The following SLC20A2 variants were observed in gnomAD, a reference collection of about 807,000 sequenced individuals.
SLC20A2 encodes sodium-dependent phosphate transporter 2.
In SLC20A2, 30 loss-of-function variants were observed where a neutral mutation model predicts 61.0. That is an observed-to-expected ratio of 0.49 (90% CI 0.37 to 0.67). The LOEUF (loss-of-function observed/expected upper bound fraction) is 0.67, where lower values mean the gene tolerates loss of function less well. Ranked by LOEUF, SLC20A2 falls within the 30% of genes least tolerant of loss-of-function variation. The pLI is 0.00. For missense variants in SLC20A2, 626 were observed against 866.4 expected (o/e 0.72, Z 3.48); for synonymous variants, 351 against 353.3 (o/e 0.99, Z 0.07).
chr8:42,472,220 G>A lies in SLC20A2; in HGVS notation c.171C>T (p.Thr57=), dbSNP rs754407222. ...ACILASIFET[T]GSVLLGAKVG... ...CTTTGGCGCCTAGTAACACGGAGCC[G>A]GTGGTTTCAAATATTGAAGCTAAAA... Residue 57 remains threonine, a synonymous_variant, in exon 2 of 11, where the codon ACC becomes ACT. Coordinates refer to ENST00000520262, the MANE Select transcript of SLC20A2 (RefSeq NM_001257180.2). The surrounding 1 kb of genome is among the most constrained non-coding windows in gnomAD (Gnocchi z 4.1). The A allele has an allele frequency of 1.7e-4, 268 of 1,614,038 alleles. 1 individual carries two copies. Among genetic ancestry groups the A allele is most frequent in the Non-Finnish European group, 2.2e-4 (256 of 1,180,046 alleles).
At position 42,466,276 on chromosome 8, in the gene SLC20A2, G is replaced by T. The variant is rs375002371; in HGVS notation, c.290-359C>A. On this transcript the variant is annotated intron_variant, in intron 2 of 10. Transcript: ENST00000520262. ...AATTTTTGTATTTTTAGTAAAGATG[G>T]GGTCTCACTATGTTAGCCAGGCTGG... Among the ~76,000 whole-genome samples the T allele has an allele frequency of 5.9e-5, 9 of 152,252 alleles. No individual in the cohort carries two copies. The South Asian group carries it at 1.2e-3, about 21-fold the overall frequency.
At chr8:42,470,462 GC>G (rs146229077) in intron 2 of SLC20A2, among the ~76,000 whole-genome samples, 2,761 of 151,856 alleles carry the variant, frequency 0.018, 78 homozygotes, top group African/African-American at 0.063. Flanking sequence ...CAAGTGGTCT[GC>G]CCATCTCGGG....
chr8:42,465,086 C>A (rs1274397553), intron 3 of SLC20A2, among the ~76,000 whole-genome samples: 5 of 151,926 alleles, frequency 3.3e-5, no homozygotes, highest in African/African-American at 1.2e-4. Context: ...GAGACAGAGT[C>A]TTGCTTTGTT....
intron 1 of SLC20A2, among the ~76,000 whole-genome samples, chr8:42,529,692 A>T (rs1350225984): frequency 6.6e-6 from 1 of 152,208 alleles, no homozygotes; most frequent in Non-Finnish European, 1.5e-5. Flanking sequence ...AAGATTACAC[A>T]TGCTCTTGTT....
At chr8:42,495,913 C>T (rs1448648891) in intron 1 of SLC20A2, among the ~76,000 whole-genome samples, 1 of 152,174 alleles carries the variant, frequency 6.6e-6, no homozygotes, top group Non-Finnish European at 1.5e-5. Flanking sequence ...CCACGCCCGG[C>T]TAATTTTTGT....
At chr8:42,521,480 G>A (rs945298254) in intron 1 of SLC20A2, among the ~76,000 whole-genome samples, 3 of 120,212 alleles carry the variant, frequency 2.5e-5, no homozygotes, top group Admixed American at 8.4e-5. Flanking sequence ...TTGGGGTGAT[G>A]AATCGATCCT....
chr8:42,524,530 G>A (rs1811794231), intron 1 of SLC20A2, among the ~76,000 whole-genome samples: 1 of 152,104 alleles, frequency 6.6e-6, no homozygotes, highest in Non-Finnish European at 1.5e-5. Flanking sequence ...GCTCACCCCT[G>A]TAATCCCAGC....
At chr8:42,535,071 C>T (rs1389450806) in intron 1 of SLC20A2, 2 of 152,190 alleles carry the variant, frequency 1.3e-5, no homozygotes, top group Admixed American at 1.3e-4. Flanking sequence ...CAAAAATCCT[C>T]GATGGAATTG....
chr8:42,522,182 A>C (rs1327589607), intron 1 of SLC20A2, among the ~76,000 whole-genome samples: 1 of 121,076 alleles, frequency 8.3e-6, no homozygotes, highest in African/African-American at 2.5e-5. Flanking sequence ...GTGAGCAAGC[A>C]GTTATCACGT....
rs1379133133 is a variant in SLC20A2 at position 42,533,152 on chromosome 8, A to G, written c.-265+8669T>C. 2.0e-5 allele frequency among the ~76,000 whole-genome samples: 3 copies of G among 152,132 alleles called. No individual in the cohort carries two copies. In the East Asian group the frequency reaches 5.8e-4, roughly 29 times the overall value. On this transcript the variant is annotated intron_variant, in intron 1 of 10. Coordinates refer to the SLC20A2 transcript ENST00000342228. ...ATTAAAAATATGTTCCTTTGTTTAT[A>G]TTTCTTCCTGCTGGTTAAGACTTCA...
chr8:42,519,595 C>T (rs563120628), intron 1 of SLC20A2, among the ~76,000 whole-genome samples: 3 of 152,256 alleles, frequency 2.0e-5, no homozygotes, highest in African/African-American at 7.2e-5. Flanking sequence ...TTTTATATTT[C>T]ACTCTTTTCC....
At chr8:42,503,436 G>A (rs933988477), upstream of SLC20A2, among the ~76,000 whole-genome samples, 1 of 152,118 alleles carries the variant, frequency 6.6e-6, no homozygotes, top group African/African-American at 2.4e-5. Flanking sequence ...GTTTATGAAT[G>A]TCCACTAATG....
chr8:42,519,442 T>C (rs1347552566), intron 1 of SLC20A2, among the ~76,000 whole-genome samples: 2 of 109,040 alleles, frequency 1.8e-5, no homozygotes, highest in African/African-American at 5.9e-5. Flanking sequence ...AGACTCCATC[T>C]TAAAAAAAAA....
At chr8:42,450,476 C>T (rs906527477) in intron 5 of SLC20A2, among the ~76,000 whole-genome samples, 10 of 152,104 alleles carry the variant, frequency 6.6e-5, no homozygotes, top group African/African-American at 2.4e-4. Context: ...GATCCACCTG[C>T]CTCAGCCTCC....
At chr8:42,499,740 T>C (rs2131343794) in intron 1 of SLC20A2, among the ~76,000 whole-genome samples, 1 of 152,304 alleles carries the variant, frequency 6.6e-6, no homozygotes, top group Admixed American at 6.5e-5. Flanking sequence ...GATAAAAATA[T>C]ATATTATGAA....
intron 1 of SLC20A2, among the ~76,000 whole-genome samples, chr8:42,533,793 G>A (rs1812528435): frequency 6.7e-6 from 1 of 150,242 alleles, no homozygotes; most frequent in Non-Finnish European, 1.5e-5. Context: ...CTGACTAGCT[G>A]GATTACAGGC....
At chr8:42,508,551 T>C (rs1415675576) in intron 1 of SLC20A2, among the ~76,000 whole-genome samples, 2 of 151,926 alleles carry the variant, frequency 1.3e-5, no homozygotes, top group East Asian at 2.0e-4. Flanking sequence ...CCACCACGCC[T>C]GGCTAATTTT....
chr8:42,490,592 G>A (rs549138926), intron 1 of SLC20A2, among the ~76,000 whole-genome samples: 9 of 152,176 alleles, frequency 5.9e-5, no homozygotes, highest in East Asian at 1.9e-4. Flanking sequence ...GTAAGACTCC[G>A]TTTCAAAAAC....
Position 42,475,938 on chromosome 8 carries a change from T to C in SLC20A2, c.-264-3284A>G, listed in dbSNP as rs544264382. Among the ~76,000 whole-genome samples, 5 of 152,144 alleles carry C rather than the reference T, an allele frequency of 3.3e-5. No homozygotes were observed. In the South Asian group the frequency reaches 6.2e-4, roughly 19 times the overall value. ...ATTAAACATGGGGGTGGAGAGAGGA[T>C]ACATGGTTTATGGAACCGAAGTGAA... is the stretch of plus-strand genomic sequence containing the variant. On this transcript the variant is annotated intron_variant, in intron 1 of 10. Transcript: ENST00000520262.
Sources: allele counts gnomAD v4.1 joint callset (sites outside exome capture counted in the v4.1 genomes callset), GRCh38; gene constraint gnomAD v4.1.1; non-coding constraint Gnocchi (gnomAD v3.1); transcripts MANE v1.5; gene names NCBI Gene and HGNC (gene_info 2026-07-23, HGNC 2026-07-21).